PALMD: variants seen among roughly 807,000 people sequenced by gnomAD.
PALMD encodes the protein palmdelphin.
In PALMD, 42 loss-of-function variants were observed where a neutral mutation model predicts 56.2. The ratio of observed to expected loss-of-function variants is 0.75; its 90% CI spans 0.58 to 0.97. PALMD has a LOEUF of 0.97. Among genes scored for constraint, PALMD ranks in the 50% least tolerant of loss-of-function variants. The pLI is 0.00. For synonymous variants in PALMD, 242 were observed against 222.9 expected, an observed-to-expected ratio of 1.09 and a Z score of -0.76; for missense variants, 660 against 643.8, an observed-to-expected ratio of 1.03 and a Z score of -0.27.
At chr1:99,666,403 C>T (rs1832473) in intron 2 of PALMD, among the ~76,000 whole-genome samples, 3,532 of 17,510 alleles carry the variant, frequency 0.2, 561 homozygotes, top group African/African-American at 0.36. Context: ...CATCCTTTGG[C>T]AATTATCTAT....
chr1:99,648,836 T>C (rs898161183), intron 1 of PALMD, among the ~76,000 whole-genome samples: 1 of 147,084 alleles, frequency 6.8e-6, no homozygotes, highest in African/African-American at 2.5e-5. Flanking sequence ...TAAACGTATA[T>C]ACCTAGAATT....
At chr1:99,646,394 G>A (rs766209524) in intron 1 of PALMD, 32 bp downstream of exon 1, 18 of 1,577,574 alleles carry the variant, frequency 1.1e-5, no homozygotes, top group Middle Eastern at 1.7e-4. Flanking sequence ...ACTCATTAAC[G>A]TTGTTACTTA....
intron 1 of PALMD, among the ~76,000 whole-genome samples, chr1:99,652,704 A>G (rs868370243): frequency 5.5e-3 from 506 of 91,214 alleles, no homozygotes; most frequent in South Asian, 0.029. Context: ...GGAAAAGAAA[A>G]GAAAAGAAAA....
chr1:99,687,083 T>G lies in PALMD; in HGVS notation c.408T>G (p.Ile136Met), dbSNP rs1214340243. 5.7e-6 allele frequency: 9 copies of G among 1,588,014 alleles called. No homozygotes were observed. The highest frequency in any genetic ancestry group is 2.2e-5 in the East Asian group (1 of 44,614). ...VEREERAEES[I>M]EDIYANIPDL... is the part of the protein sequence containing the mutation. ...TTCATATTAATTTTACAGAGTCAAT[T>G]GAGGACATCTATGCTAATATCCCTG... The change falls in exon 6 of 8, where the codon ATT becomes ATG. Residue 136 changes from isoleucine to methionine, a missense_variant. Transcript: ENST00000263174.
chr1:99,655,541 C>A (rs1347610543), intron 1 of PALMD, among the ~76,000 whole-genome samples: 1 of 152,134 alleles, frequency 6.6e-6, no homozygotes, highest in East Asian at 1.9e-4. Context: ...TTTAAATATT[C>A]ATCATTCACC....
At chr1:99,674,607 CAA>C (rs879722756) in intron 3 of PALMD, among the ~76,000 whole-genome samples, 8 of 140,960 alleles carry the variant, frequency 5.7e-5, no homozygotes, top group African/African-American at 7.7e-5. Context: ...AACTCCCACC[CAA>C]AAAAAAAAAA....
chr1:99,687,864 T>A (rs1339218964), intron 6 of PALMD, among the ~76,000 whole-genome samples: 1 of 148,860 alleles, frequency 6.7e-6, no homozygotes, highest in Non-Finnish European at 1.5e-5. Context: ...TGAGGGGTGT[T>A]GCAGTTTTTC....
intron 3 of PALMD, among the ~76,000 whole-genome samples, chr1:99,671,103 C>T (rs998893780): frequency 1.3e-5 from 2 of 152,162 alleles, no homozygotes; most frequent in African/African-American, 4.8e-5. Context: ...GTAACTCAAA[C>T]TCTGAATGTG....
intron 2 of PALMD, among the ~76,000 whole-genome samples, chr1:99,667,368 A>G (rs1652988563): frequency 1.3e-5 from 2 of 152,178 alleles, no homozygotes; most frequent in South Asian, 4.1e-4. Flanking sequence ...TGGGGCTGCC[A>G]GGAGTATGGG....
rs531684133 is a variant in PALMD at position 99,663,384 on chromosome 1, A to G, written c.126+985A>G. Among the ~76,000 whole-genome samples the G allele has an allele frequency of 3.3e-5, 5 of 152,282 alleles. No homozygotes were observed. The South Asian group carries it at 1.0e-3, about 32-fold the overall frequency. On this transcript the variant is annotated intron_variant, in intron 2 of 7. Transcript: ENST00000263174. ...GTCACATTGAATTTACATGAGTAGTATACATAGTCAAGAAATGTAGTGTGT... is the reference window on the plus strand; with the variant it reads ...GTCACATTGAATTTACATGAGTAGTGTACATAGTCAAGAAATGTAGTGTGT...
intron 1 of PALMD, among the ~76,000 whole-genome samples, chr1:99,656,394 G>A (rs190072084): frequency 4.9e-4 from 74 of 151,834 alleles, no homozygotes; most frequent in Admixed American, 8.5e-4. Context: ...ACCATTATTT[G>A]CACACCACCA....
chr1:99,673,906 T>TA (rs1367400312), intron 3 of PALMD, among the ~76,000 whole-genome samples: 1 of 152,148 alleles, frequency 6.6e-6, no homozygotes, highest in Non-Finnish European at 1.5e-5. Context: ...TGTTAGTACT[T>TA]AAAAATACTA....
chr1:99,647,657 C>A (rs1466160296), intron 1 of PALMD, among the ~76,000 whole-genome samples: 2 of 152,246 alleles, frequency 1.3e-5, no homozygotes, highest in African/African-American at 2.4e-5. Flanking sequence ...GACAGGAACT[C>A]GGCTCTGCTC....
chr1:99,687,038 T>C (rs1220609626), intron 5 of PALMD, 38 bp from the exon 6 acceptor site: 9 of 1,508,054 alleles, frequency 6.0e-6, no homozygotes, highest in Non-Finnish European at 7.3e-6. Flanking sequence ...ATTGTAAATA[T>C]ATTCTAAATG....
At chr1:99,676,958 T>C (rs1349738051) in intron 3 of PALMD, among the ~76,000 whole-genome samples, 2 of 152,160 alleles carry the variant, frequency 1.3e-5, no homozygotes, top group African/African-American at 4.8e-5. Context: ...CACACTGCAG[T>C]CAAGATAACT....
At chr1:99,681,266 T>C (rs1267676471) in intron 3 of PALMD, among the ~76,000 whole-genome samples, 1 of 152,050 alleles carries the variant, frequency 6.6e-6, no homozygotes, top group Admixed American at 6.6e-5. Context: ...TAGTGGCTAA[T>C]TGGAGAGGAG....
chr1:99,683,297 C>T (rs1466321473), intron 3 of PALMD: 2 of 152,110 alleles, frequency 1.3e-5, no homozygotes, highest in African/African-American at 4.8e-5. Flanking sequence ...GTGATAAATA[C>T]CAACTCCCAA....
intron 7 of PALMD, among the ~76,000 whole-genome samples, chr1:99,693,422 G>A (rs953434251): frequency 6.6e-6 from 1 of 152,088 alleles, no homozygotes; most frequent in Non-Finnish European, 1.5e-5. Context: ...TATATTATTA[G>A]CAGAGGAATA....
intron 3 of PALMD, among the ~76,000 whole-genome samples, chr1:99,675,557 T>G (rs761057223): frequency 6.6e-6 from 1 of 152,170 alleles, no homozygotes; most frequent in Non-Finnish European, 1.5e-5. Context: ...TGGCATGTAC[T>G]ACAAGGTCCT....
Sources: allele counts gnomAD v4.1 joint callset (sites outside exome capture counted in the v4.1 genomes callset), GRCh38; gene constraint gnomAD v4.1.1; transcripts MANE v1.5; gene names NCBI Gene and HGNC (gene_info 2026-07-23, HGNC 2026-07-21).